The following ULK4 variants were observed in gnomAD, a reference collection of about 807,000 sequenced individuals.
ULK4 encodes unc-51 like kinase 4.
ULK4 carries 133 observed loss-of-function variants against 160.6 expected under a neutral mutation model. That is an observed-to-expected ratio of 0.83 (90% CI 0.72 to 0.96). The LOEUF is 0.96. Ranked by LOEUF, ULK4 falls within the 40% of genes least tolerant of loss-of-function variation. ULK4 has a pLI of 0.00. For missense variants in ULK4, 1,580 were observed against 1,499.5 expected (o/e 1.05, Z -0.89); for synonymous variants, 534 against 539.8 (o/e 0.99, Z 0.15).
chr3:41,952,842 C>T (rs574868809), intron 2 of ULK4, among the ~76,000 whole-genome samples: 19 of 152,108 alleles, frequency 1.2e-4, no homozygotes, highest in South Asian at 6.2e-4. Context: ...AAGCAAAATG[C>T]GCTTTATATA....
At chr3:41,667,654 C>A (rs2035392640) in intron 29 of ULK4, among the ~76,000 whole-genome samples, 1 of 152,112 alleles carries the variant, frequency 6.6e-6, no homozygotes, top group Admixed American at 6.5e-5. Context: ...CTGAGGCTGG[C>A]CAGAGACTAA....
Position 41,572,410 on chromosome 3 carries a change from C to T in ULK4, c.3121-6280G>A, listed in dbSNP as rs79200603. 6.1e-3 allele frequency among the ~76,000 whole-genome samples: 935 copies of T among 152,182 alleles called. 36 individuals are homozygous for T. In the East Asian group the frequency reaches 0.094, roughly 15 times the overall value. ...ATCCTCTCTTTCATTCCACAATGTT[C>T]CCTGTCCCCTCCCCCCACCACTGGG... On this transcript the variant is annotated intron_variant, in intron 31 of 36. Coordinates refer to ENST00000301831, the MANE Select transcript of ULK4 (RefSeq NM_017886.4).
intron 35 of ULK4, among the ~76,000 whole-genome samples, chr3:41,264,480 C>T (rs1490483306): frequency 2.6e-5 from 4 of 152,162 alleles, no homozygotes; most frequent in African/African-American, 9.7e-5. Context: ...GGTGGGCATG[C>T]CACATAAGCC....
chr3:41,726,438 CA>C (rs759864001), intron 22 of ULK4, among the ~76,000 whole-genome samples: 6 of 152,146 alleles, frequency 3.9e-5, no homozygotes, highest in Non-Finnish European at 7.3e-5. Context: ...ATAAAGGAGA[CA>C]AAATGTGGAA....
At chr3:41,691,070 G>T (rs368263236) in intron 27 of ULK4, among the ~76,000 whole-genome samples, 2 of 151,862 alleles carry the variant, frequency 1.3e-5, no homozygotes, top group South Asian at 2.1e-4. Flanking sequence ...AAGCTTCCTC[G>T]TAAGATCTAA....
chr3:41,933,828 T>A (rs1699673759), intron 4 of ULK4, among the ~76,000 whole-genome samples: 2 of 152,034 alleles, frequency 1.3e-5, no homozygotes, highest in South Asian at 4.1e-4. Flanking sequence ...GGCAGTAGGA[T>A]CACCTGAGGT....
In ULK4 at chr3:41,816,995, A is replaced by C. The variant is rs574416841; in HGVS notation, c.1848+2428T>G. On this transcript the variant is annotated intron_variant, in intron 19 of 36. Transcript: ENST00000301831. ...ATAGAGCCCAAAAAGAGACATGTCAACTGATGTGACAGAGGTGACACTGCA... is the reference window on the plus strand; with the variant it reads ...ATAGAGCCCAAAAAGAGACATGTCACCTGATGTGACAGAGGTGACACTGCA... Among the ~76,000 whole-genome samples the C allele has an allele frequency of 5.9e-5, 9 of 152,262 alleles. No homozygotes were observed. The South Asian group carries it at 1.5e-3, about 25-fold the overall frequency.
chr3:41,765,379 T>A (rs2039124843), intron 21 of ULK4, among the ~76,000 whole-genome samples: 1 of 151,466 alleles, frequency 6.6e-6, no homozygotes, highest in African/African-American at 2.4e-5. Flanking sequence ...GGACACAGGG[T>A]GGGGAACATC....
chr3:41,533,894 G>A (rs577150524), intron 32 of ULK4, among the ~76,000 whole-genome samples: 5 of 152,258 alleles, frequency 3.3e-5, no homozygotes, highest in South Asian at 2.1e-4. Flanking sequence ...TGCAAGCTCC[G>A]CCTCCTGGGT....
chr3:41,452,374 AAAG>A (rs1297451287), intron 34 of ULK4, among the ~76,000 whole-genome samples: 2 of 152,172 alleles, frequency 1.3e-5, no homozygotes, highest in African/African-American at 2.4e-5. Flanking sequence ...AACAATTCTG[AAAG>A]AAGCAGATTC....
In ULK4 at chr3:41,718,109, C is replaced by T. The variant is rs115281526; in HGVS notation, c.2322-248G>A. ...TTCCATTTGCCTTGGCGAATGGAAACGAACAATATTCTCCAGGTGATAAAT... is the reference window on the plus strand; with the variant it reads ...TTCCATTTGCCTTGGCGAATGGAAATGAACAATATTCTCCAGGTGATAAAT... On this transcript the variant is annotated intron_variant, in intron 22 of 36. Coordinates refer to ENST00000301831, the MANE Select transcript of ULK4 (RefSeq NM_017886.4). Among the ~76,000 whole-genome samples, 388 of 152,232 alleles carry T rather than the reference C, an allele frequency of 2.5e-3. 2 individuals are homozygous for T. Among genetic ancestry groups the T allele is most frequent in the African/African-American group, 8.3e-3 (345 of 41,520 alleles).
intron 1 of ULK4, among the ~76,000 whole-genome samples, chr3:41,961,749 C>G (rs1450779484): frequency 6.6e-6 from 1 of 152,190 alleles, no homozygotes; most frequent in Non-Finnish European, 1.5e-5. Flanking sequence ...AGCCGAAACA[C>G]ACAAGCACTC....
intron 35 of ULK4, among the ~76,000 whole-genome samples, chr3:41,272,493 G>A (rs2079155924): frequency 6.6e-6 from 1 of 150,878 alleles, no homozygotes; most frequent in South Asian, 2.1e-4. Context: ...TTGTTCCTCT[G>A]CATGTAATGC....
chr3:41,470,016 C>T (rs890211080), intron 32 of ULK4, among the ~76,000 whole-genome samples: 1 of 3,918 alleles, frequency 2.6e-4, no homozygotes, highest in African/African-American at 8.1e-4. Context: ...AGAAACAGAA[C>T]AGAAAAAAAA....
At chr3:41,390,265 CTTCT>C (rs910449127) in intron 35 of ULK4, among the ~76,000 whole-genome samples, 11 of 151,942 alleles carry the variant, frequency 7.2e-5, no homozygotes, top group Non-Finnish European at 1.5e-4. Flanking sequence ...TCTCTCTTTT[CTTCT>C]TTATTAGTCT....
chr3:41,604,766 A>T (rs1397467150), intron 31 of ULK4, among the ~76,000 whole-genome samples: 2 of 152,138 alleles, frequency 1.3e-5, no homozygotes, highest in African/African-American at 4.8e-5. Context: ...TGCCTGTCTT[A>T]TACAGTAAAT....
chr3:41,319,530 C>T (rs1054591886), intron 35 of ULK4, among the ~76,000 whole-genome samples: 2 of 152,124 alleles, frequency 1.3e-5, no homozygotes, highest in African/African-American at 2.4e-5. Context: ...TAAGAGGAAG[C>T]CTTCACATTA....
At chr3:41,489,707 C>G (rs1453789705) in intron 32 of ULK4, among the ~76,000 whole-genome samples, 2 of 152,154 alleles carry the variant, frequency 1.3e-5, no homozygotes, top group African/African-American at 4.8e-5. Flanking sequence ...CTAACACACT[C>G]TAAGATCTAG....
At chr3:41,295,709 G>A (rs1398499374) in intron 35 of ULK4, among the ~76,000 whole-genome samples, 1 of 75,660 alleles carries the variant, frequency 1.3e-5, no homozygotes, top group Non-Finnish European at 3.4e-5. Flanking sequence ...ATCAAGAAAT[G>A]TAAATTAAAA....
Sources: gnomAD v4.1 joint callset for allele counts (sites outside exome capture counted in the v4.1 genomes callset) on GRCh38, gnomAD v4.1.1 for gene constraint, MANE v1.5 for transcripts, NCBI Gene and HGNC (gene_info 2026-07-23, HGNC 2026-07-21) for gene names.